The following PHLDB2 variants were observed in gnomAD, a reference collection of about 807,000 sequenced individuals.
PHLDB2 encodes the protein pleckstrin homology like domain family B member 2, also known as pleckstrin homology-like domain family B member 2.
PHLDB2 carries 71 observed loss-of-function variants against 123.6 expected under a neutral mutation model. The ratio of observed to expected loss-of-function variants is 0.57; its 90% CI spans 0.47 to 0.70. The LOEUF (loss-of-function observed/expected upper bound fraction) is 0.70, where lower values mean the gene tolerates loss of function less well. PHLDB2 is among the 30% of genes least tolerant of loss of function. The pLI is 0.00. For synonymous variants in PHLDB2, 547 were observed against 541.6 expected (o/e 1.01, Z -0.14); for missense variants, 1,446 against 1,519.5 (o/e 0.95, Z 0.80).
chr3:111,889,009 C>T (rs1469025014), intron 2 of PHLDB2, among the ~76,000 whole-genome samples: 1 of 152,158 alleles, frequency 6.6e-6, no homozygotes, highest in Non-Finnish European at 1.5e-5. Context: ...TTCAAGCTAA[C>T]ACATCACAGA....
At chr3:111,765,417 T>C (rs948876540) in intron 1 of PHLDB2, among the ~76,000 whole-genome samples, 39 of 152,198 alleles carry the variant, frequency 2.6e-4, no homozygotes, top group African/African-American at 9.4e-4. Context: ...CATACAGCAC[T>C]TTAAAGCTGA....
chr3:111,848,681 T>G (rs12490718), intron 2 of PHLDB2, among the ~76,000 whole-genome samples: 44,317 of 152,106 alleles, frequency 0.29, 7,016 homozygotes, highest in South Asian at 0.41. Flanking sequence ...TTTCAATCAA[T>G]GAGGGACCAC....
At chr3:111,839,647 A>T (rs1182641554) in intron 1 of PHLDB2, among the ~76,000 whole-genome samples, 1 of 152,034 alleles carries the variant, frequency 6.6e-6, no homozygotes, top group Non-Finnish European at 1.5e-5. Context: ...TTTCCTGTGA[A>T]TCGATTTTTT....
At chr3:111,952,808 T>C (rs1577178603) in intron 11 of PHLDB2, 96 bp downstream of exon 11, 2 of 1,368,006 alleles carry the variant, frequency 1.5e-6, no homozygotes, top group East Asian at 4.7e-5. Context: ...AAGTGCTAAA[T>C]AATAAATCAT....
intron 1 of PHLDB2, among the ~76,000 whole-genome samples, chr3:111,748,338 GT>G (rs1417299346): frequency 1.5e-4 from 23 of 152,272 alleles, no homozygotes; most frequent in African/African-American, 5.5e-4. Flanking sequence ...CTAGCCAGAT[GT>G]TCCTAGTGGC....
chr3:111,955,057 C>T (rs970256188), intron 12 of PHLDB2, among the ~76,000 whole-genome samples: 25 of 151,440 alleles, frequency 1.7e-4, no homozygotes, highest in Non-Finnish European at 2.8e-4. Context: ...CACACACACA[C>T]GCACATATAT....
intron 12 of PHLDB2, among the ~76,000 whole-genome samples, chr3:111,955,294 ACTATT>A (rs1209653603): frequency 6.6e-6 from 1 of 151,906 alleles, no homozygotes; most frequent in Non-Finnish European, 1.5e-5. Context: ...AACTGATTGA[ACTATT>A]TTATTTTCTT....
chr3:111,828,175 G>C (rs1475206138), intron 1 of PHLDB2, among the ~76,000 whole-genome samples: 1 of 152,224 alleles, frequency 6.6e-6, no homozygotes, highest in Non-Finnish European at 1.5e-5. Flanking sequence ...TCCCATGGAA[G>C]AGTTTCCCCT....
rs189839169 is a variant in PHLDB2, at chr3:111,841,540, A to G, written c.-48-4281A>G. ...ATTGTCTCTCTATCTAACAGTTGAGATCAACTTTTGTTCTTTTCTTCTCAC... is the reference window on the plus strand; with the variant it reads ...ATTGTCTCTCTATCTAACAGTTGAGGTCAACTTTTGTTCTTTTCTTCTCAC... On this transcript the variant is annotated intron_variant, in intron 1 of 17. Coordinates refer to the PHLDB2 transcript ENST00000393923. Among the ~76,000 whole-genome samples, 8 of 152,284 alleles carry G rather than the reference A, an allele frequency of 5.3e-5. No individual in the cohort carries two copies. In the East Asian group the frequency reaches 1.5e-3, roughly 29 times the overall value.
At chr3:111,953,011 G>A (rs1241987956) in intron 11 of PHLDB2, among the ~76,000 whole-genome samples, 1 of 152,186 alleles carries the variant, frequency 6.6e-6, no homozygotes, top group East Asian at 1.9e-4. Context: ...AGATAAGATA[G>A]GATGTAGCCT....
intron 1 of PHLDB2, 159 bp from the exon 2 acceptor site, chr3:111,883,905 G>T (rs2066053438): frequency 1.6e-6 from 1 of 627,492 alleles, no homozygotes; most frequent in South Asian, 2.2e-5. Context: ...CCTTTAATTT[G>T]CTGTATGGTT....
chr3:111,857,866 T>G (rs150482438), upstream of PHLDB2, among the ~76,000 whole-genome samples: 755 of 152,286 alleles, frequency 5.0e-3, 10 homozygotes, highest in African/African-American at 0.017. Context: ...GGAGTATAAG[T>G]TAGTTCAACC....
chr3:111,921,697 A>G (rs931151189), intron 5 of PHLDB2, among the ~76,000 whole-genome samples: 1 of 147,086 alleles, frequency 6.8e-6, no homozygotes, highest in African/African-American at 2.5e-5. Flanking sequence ...TCCGCCTCGC[A>G]GGTTCAGCCA....
chr3:111,900,146 C>T (rs6796290), intron 2 of PHLDB2, among the ~76,000 whole-genome samples: 74,842 of 152,108 alleles, frequency 0.49, 19,046 homozygotes, highest in East Asian at 0.66. Context: ...CTGGATTAGG[C>T]TGTGGCCTAA....
In PHLDB2 at chr3:111,775,361, T is replaced by A. The variant is rs143639061; in HGVS notation, c.-49+42658T>A. ...CACCGATTAAACAGATGAGTAGTCA[T>A]GGAAGAAAATCACATAGAAGAGCAT... is the stretch of plus-strand genomic sequence containing the variant. On this transcript the variant is annotated intron_variant, in intron 1 of 17. Coordinates refer to the PHLDB2 transcript ENST00000393923. Among the ~76,000 whole-genome samples the A allele has an allele frequency of 1.8e-3, 281 of 152,220 alleles. 1 individual carries two copies. Among genetic ancestry groups the A allele is most frequent in the African/African-American group, 6.5e-3 (268 of 41,540 alleles).
intron 1 of PHLDB2, among the ~76,000 whole-genome samples, chr3:111,863,947 G>T (rs2064950791): frequency 6.6e-6 from 1 of 152,174 alleles, no homozygotes; most frequent in Non-Finnish European, 1.5e-5. Context: ...CTAGTTCTGG[G>T]TGCCAAGCTG....
At chr3:111,877,605 C>G (rs1442537989) in intron 1 of PHLDB2, among the ~76,000 whole-genome samples, 1 of 152,100 alleles carries the variant, frequency 6.6e-6, no homozygotes, top group Non-Finnish European at 1.5e-5. Context: ...CTTTTGTTGC[C>G]ATTGCTTTTG....
intron 14 of PHLDB2, 96 bp from the exon 15 acceptor site, chr3:111,967,582 A>T (rs2071860810): frequency 2.3e-6 from 3 of 1,299,836 alleles, no homozygotes; most frequent in African/African-American, 1.5e-5. Context: ...ACAAACCAAG[A>T]TTTGTCTAGT....
chr3:111,759,521 T>C (rs1244266288), intron 1 of PHLDB2, among the ~76,000 whole-genome samples: 2 of 152,176 alleles, frequency 1.3e-5, no homozygotes, highest in Admixed American at 6.5e-5. Flanking sequence ...CATGTATATA[T>C]ACACACACAC....
Sources: allele counts gnomAD v4.1 joint callset (sites outside exome capture counted in the v4.1 genomes callset), GRCh38; gene constraint gnomAD v4.1.1; transcripts MANE v1.5; gene names NCBI Gene and HGNC (gene_info 2026-07-23, HGNC 2026-07-21).